The following NEK4 variants were observed in gnomAD, a reference collection of about 807,000 sequenced individuals.
The protein encoded by NEK4 is serine/threonine-protein kinase Nek4.
In NEK4, 86 loss-of-function variants were observed where a neutral mutation model predicts 98.4. The ratio of observed to expected loss-of-function variants is 0.87; its 90% confidence interval spans 0.73 to 1.05. NEK4 has a LOEUF of 1.05. Ranked by LOEUF, NEK4 falls within the 50% of genes least tolerant of loss-of-function variation. NEK4 has a pLI of 0.00. For missense variants in NEK4, 898 were observed against 950.3 expected, an observed-to-expected ratio of 0.94 and a Z score of 0.72; for synonymous variants, 328 against 342.2, an observed-to-expected ratio of 0.96 and a Z score of 0.46.
At chr3:52,714,454 G>A (rs946750019) in intron 15 of NEK4, among the ~76,000 whole-genome samples, 1 of 152,210 alleles carries the variant, frequency 6.6e-6, no homozygotes, top group African/African-American at 2.4e-5. Flanking sequence ...CCTGTGCCCC[G>A]CGCCCCTGAA....
Position 52,743,448 on chromosome 3 carries a change from C to A in NEK4, c.1908G>T (p.Arg636Ser), listed in dbSNP as rs778563165. The change falls in exon 12 of 16, where the codon AGG becomes AGT. Residue 636 changes from arginine to serine, a missense_variant. Transcript: ENST00000233027. ...GCCCTGCTACACTCAGAGACGCTTT[C>A]CTCACTGAAGGGCCTGAAAAGGCAA... is the stretch of plus-strand genomic sequence containing the variant. ...EEMSSSGPSV[R>S]KASLSVAGPG... 7 of 1,614,078 alleles carry A rather than the reference C, an allele frequency of 4.3e-6. No homozygotes were observed. In the Admixed American group the frequency reaches 1.0e-4, roughly 23 times the overall value.
chr3:52,756,700 A>G (rs958018843), intron 6 of NEK4, among the ~76,000 whole-genome samples: 1 of 152,198 alleles, frequency 6.6e-6, no homozygotes, highest in Non-Finnish European at 1.5e-5. Context: ...TTTGCCAACG[A>G]TTTTCTGGAT....
rs1037451898 is a variant in NEK4, at chr3:52,761,020, A to G, written c.822-84T>C. 13 of 853,502 alleles carry G rather than the reference A, an allele frequency of 1.5e-5. No individual in the cohort carries two copies. In the African/African-American group the frequency reaches 2.2e-4, roughly 15 times the overall value. 52.9% of individuals were successfully genotyped at this position (853,502 alleles called of 1,614,324 possible). ...GGTATATGTGGGAGTGTGTGTATAC[A>G]ATGAATTCCCTTACAGAACTGCACC... On this transcript the variant is annotated intron_variant, in intron 5 of 15. Coordinates refer to ENST00000233027, the MANE Select transcript of NEK4 (RefSeq NM_003157.6).
rs112860034 is a variant in NEK4 at position 52,743,196 on chromosome 3, C to A, written c.2004+156G>T. 23 of 633,498 alleles carry A rather than the reference C, an allele frequency of 3.6e-5. 1 individual carries two copies. Among genetic ancestry groups the A allele is most frequent in the Middle Eastern group, 2.8e-4 (1 of 3,594 alleles). The allele number at this position is 633,498 out of a possible 1,614,324, so 39.2% of individuals were successfully genotyped here. A position where few individuals can be genotyped will look rare whatever the true frequency, so the allele number is the denominator to read the frequency against. On this transcript the variant is annotated intron_variant, in intron 12 of 15. Transcript: ENST00000233027. ...AATGGGTCAATCATAATCCTTTTGACTATTATTTACCAGTTCCTTTCTTTA... is the reference window on the plus strand; with the variant it reads ...AATGGGTCAATCATAATCCTTTTGAATATTATTTACCAGTTCCTTTCTTTA...
At chr3:52,716,670 C>T (rs1024040447) in intron 15 of NEK4, among the ~76,000 whole-genome samples, 4 of 152,208 alleles carry the variant, frequency 2.6e-5, no homozygotes. Context: ...CTCATTAGAA[C>T]ACTTATTCTA....
intron 15 of NEK4, among the ~76,000 whole-genome samples, chr3:52,721,259 A>G (rs954286701): frequency 2.6e-5 from 4 of 152,226 alleles, no homozygotes; most frequent in African/African-American, 9.6e-5. Flanking sequence ...TGATCACTGA[A>G]GTACAGATAT....
chr3:52,714,075 G>T (rs60989010), intron 15 of NEK4, among the ~76,000 whole-genome samples: 1 of 152,132 alleles, frequency 6.6e-6, no homozygotes, highest in African/African-American at 2.4e-5. Context: ...TCTCTACAAA[G>T]ACTACAAAAA....
intron 15 of NEK4, among the ~76,000 whole-genome samples, chr3:52,726,398 A>C: frequency 6.6e-6 from 1 of 152,040 alleles, no homozygotes; most frequent in East Asian, 1.9e-4. Flanking sequence ...GGAGATTGAC[A>C]CCATCCTGGC....
chr3:52,768,118 C>T (rs775644086), intron 2 of NEK4, among the ~76,000 whole-genome samples: 1 of 152,166 alleles, frequency 6.6e-6, no homozygotes, highest in Non-Finnish European at 1.5e-5. Flanking sequence ...TGGGCTTCCC[C>T]TGCAATCAGA....
chr3:52,712,514 C>T (rs141557028), intron 15 of NEK4, among the ~76,000 whole-genome samples: 88 of 152,332 alleles, frequency 5.8e-4, no homozygotes, highest in African/African-American at 2.0e-3. Flanking sequence ...CAATTAGACC[C>T]TTGCCCTATC....
intron 8 of NEK4, among the ~76,000 whole-genome samples, chr3:52,747,942 C>T (rs979988496): frequency 1.4e-5 from 2 of 147,832 alleles, no homozygotes; most frequent in African/African-American, 2.5e-5. Context: ...AAGAGTGTCT[C>T]AAAAAAAAAA....
chr3:52,715,818 T>C (rs556054681), intron 15 of NEK4, among the ~76,000 whole-genome samples: 1 of 152,308 alleles, frequency 6.6e-6, no homozygotes, highest in African/African-American at 2.4e-5. Context: ...TAAACAAACA[T>C]GTTAGGAGCT....
chr3:52,718,043 C>A (rs2097356795), intron 15 of NEK4, among the ~76,000 whole-genome samples: 1 of 152,026 alleles, frequency 6.6e-6, no homozygotes, highest in South Asian at 2.1e-4. Context: ...ATCTGCCCAC[C>A]TCAGTCTCCC....
chr3:52,766,012 T>C lies in NEK4; in HGVS notation c.559-18A>G, dbSNP rs1352320742. On this transcript the variant is annotated intron_variant, in intron 3 of 15. Transcript: ENST00000233027. The stretch of plus-strand genomic sequence containing the variant: ...ACATCAGACTAGAAAATAAAAACAG[T>C]AAACGGTTAAATGTCAGAATAGCTT... 4 of 1,544,680 alleles carry C rather than the reference T, an allele frequency of 2.6e-6. No homozygotes were observed. The highest frequency in any genetic ancestry group is 3.6e-6 in the Non-Finnish European group (4 of 1,120,586).
intron 12 of NEK4, 56 bp from the exon 13 acceptor site, chr3:52,741,555 TACTTGA>T (rs1457287481): frequency 4.6e-6 from 5 of 1,084,792 alleles, no homozygotes; most frequent in Non-Finnish European, 7.1e-6. Flanking sequence ...CAGAATGTGA[TACTTGA>T]ACCAGTCTTA....
rs184665794 is a variant in NEK4 at position 52,749,235 on chromosome 3, C to A, written c.1506+457G>T. On this transcript the variant is annotated intron_variant, in intron 8 of 15. Transcript: ENST00000233027. ...ACAACCTCTGCCTCCCAGGTTCAAG[C>A]GATTCTCCTGCCTCAGCGTCCTGAG... is the stretch of plus-strand genomic sequence containing the variant. Among the ~76,000 whole-genome samples the A allele has an allele frequency of 1.2e-3, 179 of 152,034 alleles. 2 individuals carry two copies. The highest frequency in any genetic ancestry group is 1.9e-3 in the Non-Finnish European group (126 of 67,982).
In NEK4 at chr3:52,746,059, A is replaced by G. The variant is rs1437465807; in HGVS notation, c.1827+2T>C. On this transcript the variant is annotated splice_donor_variant, in intron 10 of 15. Transcript: ENST00000233027. LOFTEE classifies it high-confidence loss of function. ...AAAAATCCAGCATATGTTCCCACAAACCTTTGATGATGACATCTCACTGCT... is the reference window on the plus strand; with the variant it reads ...AAAAATCCAGCATATGTTCCCACAAGCCTTTGATGATGACATCTCACTGCT... The G allele has an allele frequency of 1.9e-6, 3 of 1,612,778 alleles. No individual in the cohort carries two copies. Among genetic ancestry groups the G allele is most frequent in the Non-Finnish European group, 2.5e-6 (3 of 1,179,600 alleles).
chr3:52,732,106 A>G (rs34739010), intron 15 of NEK4, among the ~76,000 whole-genome samples: 69,360 of 152,076 alleles, frequency 0.46, 16,139 homozygotes, highest in Admixed American at 0.52. Flanking sequence ...CCCAATCTCA[A>G]GTATGTCTTT....
chr3:52,727,999 T>A (rs959992855), intron 15 of NEK4, among the ~76,000 whole-genome samples: 1 of 152,024 alleles, frequency 6.6e-6, no homozygotes. Flanking sequence ...TTGGGAGACA[T>A]AGATGAGAGG....
Sources: allele counts gnomAD v4.1 joint callset (sites outside exome capture counted in the v4.1 genomes callset), GRCh38; gene constraint gnomAD v4.1.1; transcripts MANE v1.5; gene names NCBI Gene and HGNC (gene_info 2026-07-23, HGNC 2026-07-21).